Variants in SHANK2 observed in about 807,000 individuals in gnomAD.
The protein encoded by SHANK2 is SH3 and multiple ankyrin repeat domains protein 2.
Under a neutral mutation model 133.7 loss-of-function variants are expected in SHANK2, and 43 were observed. The observed-to-expected ratio is 0.32, with a 90% confidence interval of 0.25 to 0.41. The LOEUF is 0.41. SHANK2 is among the 10% of genes least tolerant of loss of function. SHANK2 has a pLI of 1.00. For synonymous variants in SHANK2, 1,017 were observed against 952.8 expected (o/e 1.07, Z -1.24); for missense variants, 1,994 against 2,235.8 (o/e 0.89, Z 2.18).
intron 11 of SHANK2, among the ~76,000 whole-genome samples, chr11:70,872,581 G>A (rs2135546128): frequency 6.6e-6 from 1 of 151,974 alleles, no homozygotes; most frequent in East Asian, 2.0e-4. Context: ...GGAGGGAATA[G>A]GGGGCCCCCA....
chr11:71,222,572 C>T (rs544579539), intron 2 of SHANK2, among the ~76,000 whole-genome samples: 6 of 152,324 alleles, frequency 3.9e-5, no homozygotes, highest in Admixed American at 6.5e-5. Flanking sequence ...AGCGCATGCA[C>T]GCCATGGTTG....
chr11:70,929,511 A>G (rs535275925), intron 10 of SHANK2, among the ~76,000 whole-genome samples: 20 of 152,166 alleles, frequency 1.3e-4, no homozygotes, highest in Non-Finnish European at 2.4e-4. Flanking sequence ...CCCCTCTGCC[A>G]GGTTCTAGAG....
Position 70,531,063 on chromosome 11 carries a change from T to C in SHANK2, c.2062-28132A>G, listed in dbSNP as rs145411133. On this transcript the variant is annotated intron_variant, in intron 17 of 25. Coordinates refer to ENST00000601538, the MANE Select transcript of SHANK2 (RefSeq NM_012309.5). ...CGTCGGGCTTGGTGGCGCACATCTG[T>C]AATCCCAGCTACTTGGTGGCTGAGG... 5.4e-3 allele frequency among the ~76,000 whole-genome samples: 804 copies of C among 147,724 alleles called. 8 individuals are homozygous for C. The highest frequency in any genetic ancestry group is 0.019 in the African/African-American group (777 of 40,000).
At chr11:71,101,216 G>A (rs893717707) in intron 6 of SHANK2, among the ~76,000 whole-genome samples, 14 of 152,190 alleles carry the variant, frequency 9.2e-5, no homozygotes, top group African/African-American at 2.9e-4. Context: ...CTCTGTCCCC[G>A]ACCCCAAGAC....
intron 5 of SHANK2, among the ~76,000 whole-genome samples, chr11:71,112,164 C>T (rs563144394): frequency 2.0e-5 from 3 of 152,268 alleles, no homozygotes; most frequent in South Asian, 2.1e-4. Context: ...GAGGCCGAGG[C>T]GGATGGATCA....
At chr11:70,788,754 C>A (rs1318659598) in intron 14 of SHANK2, among the ~76,000 whole-genome samples, 3 of 152,194 alleles carry the variant, frequency 2.0e-5, no homozygotes, top group Non-Finnish European at 4.4e-5. Context: ...GAGATTTAAA[C>A]TCCAAGTGTG....
chr11:71,221,695 T>TGC (rs1954544567), intron 2 of SHANK2, among the ~76,000 whole-genome samples: 1 of 152,202 alleles, frequency 6.6e-6, no homozygotes, highest in South Asian at 2.1e-4. Context: ...CCACTAATTA[T>TGC]GCGATACCCT....
intron 2 of SHANK2, among the ~76,000 whole-genome samples, chr11:71,210,246 A>ATATATATATG (rs1954240187): frequency 9.6e-6 from 1 of 104,470 alleles, no homozygotes; most frequent in Admixed American, 9.9e-5. Context: ...ATATATATAT[A>ATATATATATG]TATATATTTA....
At chr11:70,859,871 G>A (rs973408608) in intron 11 of SHANK2, among the ~76,000 whole-genome samples, 24 of 152,132 alleles carry the variant, frequency 1.6e-4, no homozygotes, top group Admixed American at 3.3e-4. Flanking sequence ...CCAGACTCTG[G>A]AGCACCGCAC....
intron 14 of SHANK2, among the ~76,000 whole-genome samples, chr11:70,772,439 CAAA>C (rs36059683): frequency 1.5e-4 from 21 of 136,550 alleles, no homozygotes; most frequent in Non-Finnish European, 1.3e-4. Flanking sequence ...GACTCTGTCT[CAAA>C]AAAAAAAAAA....
At chr11:71,171,785 C>T (rs149055797) in intron 2 of SHANK2, among the ~76,000 whole-genome samples, 2 of 152,354 alleles carry the variant, frequency 1.3e-5, no homozygotes, top group East Asian at 3.9e-4. Context: ...CCAAAGATCA[C>T]CCCTCAGGGC....
At chr11:70,898,131 TA>T (rs1214205520) in intron 10 of SHANK2, among the ~76,000 whole-genome samples, 3 of 151,268 alleles carry the variant, frequency 2.0e-5, no homozygotes, top group African/African-American at 4.9e-5. Context: ...TCTGGCTAAT[TA>T]AAAAAAAATT....
At chr11:70,718,623 G>C (rs549556393) in intron 14 of SHANK2, among the ~76,000 whole-genome samples, 11 of 151,964 alleles carry the variant, frequency 7.2e-5, no homozygotes, top group Non-Finnish European at 1.5e-5. Context: ...CTTCCCAATC[G>C]GTACGTCCCG....
chr11:71,232,969 A>G (rs563732601), intron 1 of SHANK2, among the ~76,000 whole-genome samples: 111 of 152,292 alleles, frequency 7.3e-4, no homozygotes, highest in Non-Finnish European at 1.4e-3. Flanking sequence ...GAGAGGCAGC[A>G]ATTTCACTCC....
chr11:70,705,922 G>A (rs539287632), intron 14 of SHANK2: 1 of 152,326 alleles, frequency 6.6e-6, no homozygotes, highest in East Asian at 1.9e-4. Flanking sequence ...AATAGAATGA[G>A]CTTTTAAAAA....
chr11:70,551,528 G>A (rs1245923541), intron 17 of SHANK2, among the ~76,000 whole-genome samples: 3 of 152,192 alleles, frequency 2.0e-5, no homozygotes, highest in East Asian at 1.9e-4. Flanking sequence ...CGGCAGCCCC[G>A]GTGTGATGCT....
intron 10 of SHANK2, among the ~76,000 whole-genome samples, chr11:70,935,254 G>A (rs1555083282): frequency 6.6e-6 from 1 of 152,058 alleles, no homozygotes; most frequent in Non-Finnish European, 1.5e-5. Context: ...TGTCACTCAG[G>A]AGCTCTCTCA....
intron 9 of SHANK2, among the ~76,000 whole-genome samples, chr11:71,073,081 C>T (rs961188761): frequency 2.0e-5 from 3 of 151,244 alleles, no homozygotes; most frequent in African/African-American, 4.9e-5. Flanking sequence ...TGAAAAAGCA[C>T]ATTGGGGCGT....
At chr11:70,654,895 G>A (rs1032736199) in intron 17 of SHANK2, among the ~76,000 whole-genome samples, 6 of 151,832 alleles carry the variant, frequency 4.0e-5, no homozygotes, top group Non-Finnish European at 7.4e-5. Context: ...AGCCTCCTGA[G>A]TAGCTGGGAT....
Sources: allele counts gnomAD v4.1 joint callset (sites outside exome capture counted in the v4.1 genomes callset), GRCh38; gene constraint gnomAD v4.1.1; transcripts MANE v1.5; gene names NCBI Gene and HGNC (gene_info 2026-07-23, HGNC 2026-07-21).